The following ZCCHC7 variants were observed in gnomAD, a reference collection of about 807,000 sequenced individuals.
ZCCHC7 encodes the protein zinc finger CCHC domain-containing protein 7.
A neutral mutation model predicts 52.0 loss-of-function variants in ZCCHC7; 35 were observed. That is an observed-to-expected ratio of 0.67 (90% CI 0.51 to 0.89). The LOEUF is 0.89. Among genes scored for constraint, ZCCHC7 ranks in the 40% least tolerant of loss-of-function variants. The pLI is 0.00. For synonymous variants in ZCCHC7, 217 were observed against 221.5 expected (o/e 0.98, Z 0.18); for missense variants, 574 against 649.1 (o/e 0.88, Z 1.26).
chr9:37,199,886 A>T (rs1823536610), intron 2 of ZCCHC7, among the ~76,000 whole-genome samples: 2 of 150,732 alleles, frequency 1.3e-5, no homozygotes, highest in East Asian at 2.0e-4. Context: ...TTGTATTTTT[A>T]GTAGAGACGG....
intron 2 of ZCCHC7, among the ~76,000 whole-genome samples, chr9:37,167,954 G>A (rs991586822): frequency 6.6e-6 from 1 of 152,160 alleles, no homozygotes; most frequent in African/African-American, 2.4e-5. Flanking sequence ...TACACATTTT[G>A]AACACTTTGC....
At chr9:37,266,217 G>A (rs963950737) in intron 2 of ZCCHC7, among the ~76,000 whole-genome samples, 1 of 152,130 alleles carries the variant, frequency 6.6e-6, no homozygotes, top group African/African-American at 2.4e-5. Context: ...TGCTTAATAT[G>A]TAAAGTTTAG....
intron 2 of ZCCHC7, among the ~76,000 whole-genome samples, chr9:37,188,488 C>G (rs1271947206): frequency 3.8e-5 from 5 of 133,140 alleles, no homozygotes; most frequent in African/African-American, 1.4e-4. Context: ...TTCTCTCCCC[C>G]TACCCCTCCC....
intron 2 of ZCCHC7, among the ~76,000 whole-genome samples, chr9:37,231,250 A>T (rs1162654569): frequency 6.6e-6 from 1 of 152,140 alleles, no homozygotes; most frequent in Non-Finnish European, 1.5e-5. Flanking sequence ...CTGGCCATAA[A>T]CGTCTTTGGG....
intron 5 of ZCCHC7, among the ~76,000 whole-genome samples, chr9:37,324,250 G>A (rs960658884): frequency 6.6e-6 from 1 of 152,206 alleles, no homozygotes; most frequent in African/African-American, 2.4e-5. Context: ...TCGTGTCAGA[G>A]CCTAACTGAC....
intron 2 of ZCCHC7, among the ~76,000 whole-genome samples, chr9:37,263,067 CA>C (rs1826940966): frequency 6.6e-6 from 1 of 152,088 alleles, no homozygotes; most frequent in Non-Finnish European, 1.5e-5. Context: ...GTTAATAATT[CA>C]TGTTGTACAT....
chr9:37,226,200 CAAA>C (rs1420713646), intron 2 of ZCCHC7, among the ~76,000 whole-genome samples: 1 of 151,888 alleles, frequency 6.6e-6, no homozygotes, highest in Non-Finnish European at 1.5e-5. Flanking sequence ...TTCACAGTAT[CAAA>C]AAATGTGAAA....
At chr9:37,302,394 GT>G (rs1315791533) in intron 3 of ZCCHC7, among the ~76,000 whole-genome samples, 163 bp downstream of exon 3, 1 of 152,226 alleles carries the variant, frequency 6.6e-6, no homozygotes, top group African/African-American at 2.4e-5. Context: ...TCAGCCTTGA[GT>G]TTTGTCAGTG....
At chr9:37,221,844 G>C (rs1024037575) in intron 2 of ZCCHC7, among the ~76,000 whole-genome samples, 1 of 152,026 alleles carries the variant, frequency 6.6e-6, no homozygotes, top group Non-Finnish European at 1.5e-5. Context: ...GGAAACTAGT[G>C]GAGTATGTAA....
intron 2 of ZCCHC7, among the ~76,000 whole-genome samples, chr9:37,148,024 AAG>A (rs1478684220): frequency 6.6e-6 from 1 of 152,074 alleles, no homozygotes; most frequent in Non-Finnish European, 1.5e-5. Context: ...AGGAAGAAAA[AAG>A]AATCTATACT....
intron 5 of ZCCHC7, among the ~76,000 whole-genome samples, chr9:37,323,686 T>C (rs752593378): frequency 2.2e-4 from 33 of 152,232 alleles, no homozygotes; most frequent in Non-Finnish European, 3.1e-4. Context: ...TATATTTCTA[T>C]GATTTCAGAC....
intron 2 of ZCCHC7, among the ~76,000 whole-genome samples, chr9:37,253,716 A>C (rs1056778158): frequency 2.0e-5 from 3 of 152,020 alleles, no homozygotes; most frequent in African/African-American, 7.2e-5. Context: ...GGAATGGTAC[A>C]TATTTAGTAG....
chr9:37,213,190 T>C (rs1824331170), intron 2 of ZCCHC7, among the ~76,000 whole-genome samples: 1 of 152,230 alleles, frequency 6.6e-6, no homozygotes, highest in Admixed American at 6.5e-5. Flanking sequence ...TTATTTGAGC[T>C]TCAACTTTTT....
chr9:37,182,225 C>T (rs1390594089), intron 2 of ZCCHC7, among the ~76,000 whole-genome samples: 1 of 151,998 alleles, frequency 6.6e-6, no homozygotes, highest in Non-Finnish European at 1.5e-5. Flanking sequence ...AGTTGTCAGT[C>T]TTGTCTTAAA....
chr9:37,220,526 A>G (rs946201329), intron 2 of ZCCHC7, among the ~76,000 whole-genome samples: 1 of 152,194 alleles, frequency 6.6e-6, no homozygotes, highest in African/African-American at 2.4e-5. Context: ...TGGGTGACAG[A>G]ATAAGACTCC....
chr9:37,333,644 T>C (rs1388752610), intron 6 of ZCCHC7, among the ~76,000 whole-genome samples: 2 of 151,762 alleles, frequency 1.3e-5, no homozygotes, highest in East Asian at 3.8e-4. Flanking sequence ...CCCTTTCCTC[T>C]CTTCCCCATG....
At chr9:37,256,920 T>C (rs1826617262) in intron 2 of ZCCHC7, among the ~76,000 whole-genome samples, 1 of 152,192 alleles carries the variant, frequency 6.6e-6, no homozygotes, top group Admixed American at 6.5e-5. Flanking sequence ...CTTCATACCA[T>C]AGGGGAAAAA....
At chr9:37,127,636 A>G (rs983842482) in intron 2 of ZCCHC7, among the ~76,000 whole-genome samples, 1 of 152,196 alleles carries the variant, frequency 6.6e-6, no homozygotes, top group Non-Finnish European at 1.5e-5. Context: ...CCTAATGCTC[A>G]GTCTCTTGCA....
Position 37,330,900 on chromosome 9 carries a change from G to A in ZCCHC7, c.987+3066G>A, listed in dbSNP as rs1234718467. Among the ~76,000 whole-genome samples the A allele has an allele frequency of 4.6e-5, 7 of 151,656 alleles. No individual in the cohort carries two copies. In the Admixed American group the frequency reaches 4.6e-4, roughly 10 times the overall value. On this transcript the variant is annotated intron_variant, in intron 6 of 8. Coordinates refer to ENST00000336755, the MANE Select transcript of ZCCHC7 (RefSeq NM_032226.3). ...CCAACAGAATTTTTAACTAGTAGAG[G>A]CTATGATTTGACATGAGTTGGACAT...
Sources: gnomAD v4.1 joint callset for allele counts (sites outside exome capture counted in the v4.1 genomes callset) on GRCh38, gnomAD v4.1.1 for gene constraint, MANE v1.5 for transcripts, NCBI Gene and HGNC (gene_info 2026-07-23, HGNC 2026-07-21) for gene names.